AR: variants seen among roughly 807,000 people sequenced by gnomAD.
AR encodes androgen receptor.
A neutral mutation model predicts 53.9 loss-of-function variants in AR; 8 were observed. That is an observed-to-expected ratio of 0.15 (90% CI 0.09 to 0.27). The LOEUF (loss-of-function observed/expected upper bound fraction) is 0.27. Among genes scored for constraint, AR ranks in the 10% least tolerant of loss-of-function variants. The probability of loss-of-function intolerance (pLI) is 1.00; values close to 1 mark genes in which losing one functional copy is unlikely to be tolerated. For synonymous variants in AR, 359 were observed against 316.4 expected (o/e 1.13, Z -1.43); for missense variants, 639 against 742.5 (o/e 0.86, Z 1.62).
chrX:67,632,451 G>A (rs1046504987), intron 1 of AR, among the ~76,000 whole-genome samples: 6 of 112,491 alleles, frequency 5.3e-5, no homozygotes, highest in Admixed American at 4.7e-4. Flanking sequence ...GGAACTCCCT[G>A]ACCCCTTGCG....
chrX:67,636,198 A>G (rs1248511591), intron 1 of AR, among the ~76,000 whole-genome samples: 6 of 110,968 alleles, frequency 5.4e-5, no homozygotes, highest in African/African-American at 2.0e-4. Flanking sequence ...TGTCAGCCAC[A>G]TAATAGGAGC....
Position 67,717,524 on chromosome X carries a change from C to T in AR, c.2220C>T (p.Tyr740=), listed in dbSNP as rs1317957783. The change falls in exon 5 of 8, where the codon TAC becomes TAT. Residue 740 remains tyrosine, a synonymous_variant. Transcript: ENST00000374690. ...ACGACCAGATGGCTGTCATTCAGTA[C>T]TCCTGGATGGGGCTCATGGTGTTTG... ...HVDDQMAVIQ[Y]SWMGLMVFAM... 1 of 1,211,984 alleles carries T rather than the reference C, an allele frequency of 8.3e-7. No homozygotes were observed. The highest frequency in any genetic ancestry group is 1.1e-6 in the Non-Finnish European group (1 of 895,391).
intron 1 of AR, among the ~76,000 whole-genome samples, chrX:67,596,802 T>A (rs1433871150): frequency 3.6e-5 from 4 of 112,351 alleles, no homozygotes; most frequent in African/African-American, 9.7e-5. Flanking sequence ...TGATGTTTTC[T>A]CAGGCAGTTA....
intron 1 of AR, among the ~76,000 whole-genome samples, chrX:67,629,591 C>T (rs1427212632): frequency 4.5e-5 from 5 of 110,289 alleles, no homozygotes; most frequent in African/African-American, 1.7e-4. Flanking sequence ...AAAACCACCT[C>T]CTGGATTCAT....
intron 2 of AR, among the ~76,000 whole-genome samples, chrX:67,646,746 AT>A (rs1390722613): frequency 9.0e-6 from 1 of 111,157 alleles, no homozygotes; most frequent in Non-Finnish European, 1.9e-5. Flanking sequence ...TGAACTAGAT[AT>A]TTTAAAATGT....
chrX:67,563,485 G>A (rs1921421971), intron 1 of AR, among the ~76,000 whole-genome samples: 1 of 111,518 alleles, frequency 9.0e-6, no homozygotes, highest in Non-Finnish European at 1.9e-5. Flanking sequence ...TTCATAAATT[G>A]TACCTATTAT....
rs893289936 is a variant in AR, at chrX:67,727,850, G to A, written c.*4009G>A. 5.8e-6 allele frequency: 1 copy of A among 173,420 alleles called. No individual in the cohort carries two copies. The highest frequency in any genetic ancestry group is 7.9e-5 in the Admixed American group (1 of 12,662). The allele number at this position is 173,420 out of a possible 1,213,427, so 14.3% of individuals were successfully genotyped here. A position where few individuals can be genotyped will look rare whatever the true frequency, so the allele number is the denominator to read the frequency against. On this transcript the variant is annotated 3_prime_UTR_variant, in exon 8 of 8. Coordinates refer to ENST00000374690, the MANE Select transcript of AR (RefSeq NM_000044.6). ...CACTACAAGGGGTCATGGGAATCAG[G>A]AATGCCAAAGCACCAGATCAAATCC...
intron 1 of AR, among the ~76,000 whole-genome samples, chrX:67,615,060 A>G (rs1302450318): frequency 9.0e-6 from 1 of 110,688 alleles, no homozygotes; most frequent in African/African-American, 3.3e-5. Flanking sequence ...GTAGAAAGAA[A>G]AAAAGAATGA....
intron 3 of AR, among the ~76,000 whole-genome samples, chrX:67,709,283 T>C (rs1234278391): frequency 1.8e-5 from 2 of 112,130 alleles, no homozygotes; most frequent in East Asian, 2.8e-4. Flanking sequence ...TGCGGTAGGC[T>C]CCACCCAGTT....
chrX:67,698,015 C>T (rs1315851559), intron 3 of AR, among the ~76,000 whole-genome samples: 1 of 111,150 alleles, frequency 9.0e-6, no homozygotes, highest in Non-Finnish European at 1.9e-5. Context: ...TGATATTATC[C>T]CCATTTTACA....
chrX:67,671,675 T>C (rs2075866288), intron 2 of AR, among the ~76,000 whole-genome samples: 1 of 112,146 alleles, frequency 8.9e-6, no homozygotes, highest in Non-Finnish European at 1.9e-5. Context: ...TCTCTACCCA[T>C]GCCTATGTCC....
chrX:67,697,050 CCTTTT>C (rs1402346951), intron 3 of AR, among the ~76,000 whole-genome samples: 1 of 111,677 alleles, frequency 9.0e-6, no homozygotes, highest in Non-Finnish European at 1.9e-5. Context: ...GGAAATGGGT[CCTTTT>C]CTTCAAACAA....
Position 67,588,093 on chromosome X carries a change from C to A in AR, c.1616+41331C>A, listed in dbSNP as rs780604178. 4.5e-5 allele frequency among the ~76,000 whole-genome samples: 5 copies of A among 111,795 alleles called. No individual in the cohort carries two copies. The Admixed American group carries it at 4.7e-4, about 11-fold the overall frequency. On this transcript the variant is annotated intron_variant, in intron 1 of 7. Coordinates refer to ENST00000374690, the MANE Select transcript of AR (RefSeq NM_000044.6). Reference sequence around the variant, plus strand: ...AGGTACAGAATGTTCTGTGGAGCATCGGAGGCTGTTACTCAATATCTTGGC... The same window carrying A: ...AGGTACAGAATGTTCTGTGGAGCATAGGAGGCTGTTACTCAATATCTTGGC...
chrX:67,596,575 A>G (rs911375973), intron 1 of AR, among the ~76,000 whole-genome samples: 1 of 112,160 alleles, frequency 8.9e-6, no homozygotes, highest in African/African-American at 3.2e-5. Flanking sequence ...TACCTTGTGG[A>G]TTCTGCCTTC....
At chrX:67,587,739 T>C (rs1003669910) in intron 1 of AR, among the ~76,000 whole-genome samples, 8 of 111,474 alleles carry the variant, frequency 7.2e-5, no homozygotes, top group African/African-American at 2.6e-4. Context: ...CCCTGGCAAA[T>C]GATTTAACTT....
At chrX:67,661,861 A>G (rs1926939172) in intron 2 of AR, among the ~76,000 whole-genome samples, 1 of 111,511 alleles carries the variant, frequency 9.0e-6, no homozygotes, top group Admixed American at 9.5e-5. Flanking sequence ...TATATCCTCA[A>G]TTTCAGAGCC....
intron 1 of AR, among the ~76,000 whole-genome samples, chrX:67,629,631 A>G (rs1399273325): frequency 2.7e-5 from 3 of 109,185 alleles, no homozygotes; most frequent in African/African-American, 1.0e-4. Flanking sequence ...TTGTGTCTCT[A>G]TTTCCTTTAG....
At chrX:67,652,545 G>A (rs2147449365) in intron 2 of AR, among the ~76,000 whole-genome samples, 1 of 112,114 alleles carries the variant, frequency 8.9e-6, no homozygotes, top group East Asian at 2.8e-4. Flanking sequence ...TACTTTCCTG[G>A]GTTTGTATAG....
At chrX:67,631,425 A>T (rs897099566) in intron 1 of AR, among the ~76,000 whole-genome samples, 1 of 111,570 alleles carries the variant, frequency 9.0e-6, no homozygotes, top group Non-Finnish European at 1.9e-5. Flanking sequence ...CTTCCAGTTG[A>T]TCGCATTGGC....
Sources: gnomAD v4.1 joint callset for allele counts (sites outside exome capture counted in the v4.1 genomes callset) on GRCh38, gnomAD v4.1.1 for gene constraint, MANE v1.5 for transcripts, NCBI Gene and HGNC (gene_info 2026-07-23, HGNC 2026-07-21) for gene names.